The following WDFY4 variants were observed in gnomAD, a reference collection of about 807,000 sequenced individuals.
WDFY4 encodes the protein WDFY family member 4.
In WDFY4, 169 loss-of-function variants were observed where a neutral mutation model predicts 351.9. The observed-to-expected ratio is 0.48, with a 90% CI of 0.42 to 0.55. The LOEUF is 0.55. Among genes scored for constraint, WDFY4 ranks in the 20% least tolerant of loss-of-function variants. The probability of loss-of-function intolerance (pLI) is 0.00; values close to 1 mark genes in which losing one functional copy is unlikely to be tolerated. For synonymous variants in WDFY4, 1,622 were observed against 1,574.6 expected (o/e 1.03, Z -0.71); for missense variants, 3,803 against 3,935.6 (o/e 0.97, Z 0.90).
At chr10:48,768,679 C>T (rs184134776) in intron 13 of WDFY4, among the ~76,000 whole-genome samples, 6 of 150,638 alleles carry the variant, frequency 4.0e-5, no homozygotes, top group South Asian at 4.2e-4. Flanking sequence ...TGAAGAGTCA[C>T]GGGTCGAGCA....
chr10:48,716,930 A>G (rs2063928498), intron 2 of WDFY4, among the ~76,000 whole-genome samples: 3 of 152,210 alleles, frequency 2.0e-5, no homozygotes, highest in African/African-American at 7.2e-5. Context: ...CCAGGGATTA[A>G]CATGTCTGAG....
chr10:48,729,363 G>A (rs977742540), intron 7 of WDFY4, 69 bp from the exon 8 acceptor site: 6 of 1,526,124 alleles, frequency 3.9e-6, no homozygotes, highest in South Asian at 2.5e-5. Context: ...GTCTCCTTGA[G>A]AGCACCATGC....
chr10:48,931,426 A>G (rs930853520), intron 47 of WDFY4, among the ~76,000 whole-genome samples: 3 of 152,202 alleles, frequency 2.0e-5, no homozygotes, highest in Admixed American at 6.5e-5. Context: ...GAGGTACTCT[A>G]TCAGAGCCAG....
At chr10:48,955,840 G>A (rs920111955) in intron 51 of WDFY4, among the ~76,000 whole-genome samples, 8 of 152,190 alleles carry the variant, frequency 5.3e-5, no homozygotes, top group Admixed American at 2.6e-4. Context: ...GAAGGGAGTG[G>A]CGGGCACAGA....
intron 1 of WDFY4, among the ~76,000 whole-genome samples, chr10:48,704,115 T>A (rs976873609): frequency 6.6e-6 from 1 of 151,750 alleles, no homozygotes; most frequent in Non-Finnish European, 1.5e-5. Context: ...GCCCTTCAGC[T>A]TCTCACTATG....
At chr10:48,732,816 C>T (rs1676078458) in intron 9 of WDFY4, among the ~76,000 whole-genome samples, 1 of 152,206 alleles carries the variant, frequency 6.6e-6, no homozygotes, top group Non-Finnish European at 1.5e-5. Context: ...GAGACAGACA[C>T]CCAGGGAGGA....
chr10:48,822,836 T>G (rs888135476), intron 35 of WDFY4, among the ~76,000 whole-genome samples: 4 of 152,238 alleles, frequency 2.6e-5, no homozygotes, highest in African/African-American at 9.6e-5. Flanking sequence ...GTTTTTATTG[T>G]GATTGTTGGT....
intron 44 of WDFY4, 130 bp from the exon 45 acceptor site, chr10:48,897,324 C>A (rs1837131823): frequency 7.6e-6 from 10 of 1,315,118 alleles, no homozygotes; most frequent in Non-Finnish European, 9.3e-6. Context: ...TTGGCAGTGA[C>A]CACCGCACTT....
intron 2 of WDFY4, among the ~76,000 whole-genome samples, chr10:48,711,987 G>A (rs2063779386): frequency 6.6e-6 from 1 of 152,194 alleles, no homozygotes; most frequent in Non-Finnish European, 1.5e-5. Flanking sequence ...TGAATGTTAT[G>A]TCACCGTACA....
intron 12 of WDFY4, among the ~76,000 whole-genome samples, chr10:48,754,890 A>G (rs1476006953): frequency 6.6e-6 from 1 of 152,158 alleles, no homozygotes; most frequent in Non-Finnish European, 1.5e-5. Context: ...GGTGTTGGAA[A>G]ACTGGGTGTT....
At position 48,719,910 on chromosome 10, in the gene WDFY4, C is replaced by T. The variant is rs190245829; in HGVS notation, c.235-101C>T. The T allele has an allele frequency of 3.9e-5, 41 of 1,061,258 alleles. 1 individual carries two copies. Among genetic ancestry groups the T allele is most frequent in the East Asian group, 2.6e-4 (10 of 38,048 alleles). The allele number at this position is 1,061,258 out of a possible 1,614,324, so 65.7% of individuals were successfully genotyped here. A position where few individuals can be genotyped will look rare whatever the true frequency, so the allele number is the denominator to read the frequency against. On this transcript the variant is annotated intron_variant, in intron 2 of 61. Coordinates refer to ENST00000325239, the MANE Select transcript of WDFY4 (RefSeq NM_001394531.1). ...TTTGCATGCACCTGGGAAAGGAAGTCGAGCTGTCAGCTTGGGCTGGTGAAG... is the reference window on the plus strand; with the variant it reads ...TTTGCATGCACCTGGGAAAGGAAGTTGAGCTGTCAGCTTGGGCTGGTGAAG...
intron 55 of WDFY4, chr10:48,968,627 C>T (rs1842193512): frequency 5.5e-6 from 1 of 182,444 alleles, no homozygotes; most frequent in Non-Finnish European, 1.2e-5. Context: ...AGGCTCTGTG[C>T]CAGGGGACAC....
intron 39 of WDFY4, among the ~76,000 whole-genome samples, chr10:48,847,577 A>C (rs1048787454): frequency 6.6e-6 from 1 of 152,052 alleles, no homozygotes; most frequent in Non-Finnish European, 1.5e-5. Flanking sequence ...ATTACCTGTG[A>C]GAATGAGGCC....
At chr10:48,818,071 G>A (rs953797736) in intron 32 of WDFY4, among the ~76,000 whole-genome samples, 5 of 152,210 alleles carry the variant, frequency 3.3e-5, no homozygotes, top group African/African-American at 1.2e-4. Flanking sequence ...CCTGGGAGCT[G>A]GGAAGCGAGA....
intron 24 of WDFY4, among the ~76,000 whole-genome samples, chr10:48,800,741 T>TTTG (rs1234681165): frequency 1.4e-5 from 2 of 147,766 alleles, no homozygotes; most frequent in Non-Finnish European, 3.0e-5. Flanking sequence ...TTTTTTTTTT[T>TTTG]TTTTGTTTTG....
At chr10:48,790,973 G>A in intron 23 of WDFY4, 56 bp downstream of exon 23, 1 of 1,533,056 alleles carries the variant, frequency 6.5e-7, no homozygotes, top group Non-Finnish European at 8.8e-7. Context: ...TCATCCCTGG[G>A]AAACAGGGAC....
chr10:48,959,653 A>G, intron 52 of WDFY4, 69 bp from the exon 53 acceptor site: 1 of 1,417,438 alleles, frequency 7.1e-7, no homozygotes, highest in Non-Finnish European at 9.7e-7. Context: ...GGCAATGTGT[A>G]TTTTACATCC....
chr10:48,719,766 C>T (rs899113678), intron 2 of WDFY4, among the ~76,000 whole-genome samples: 1 of 152,102 alleles, frequency 6.6e-6, no homozygotes, highest in Non-Finnish European at 1.5e-5. Context: ...GGACTGGGCT[C>T]TGTGTGTTTG....
Position 48,963,990 on chromosome 10 carries a change from C to T in WDFY4, c.8372C>T (p.Thr2791Ile). 6.4e-7 allele frequency: 1 copy of T among 1,550,614 alleles called. No individual in the cohort carries two copies. Among genetic ancestry groups the T allele is most frequent in the Non-Finnish European group, 8.7e-7 (1 of 1,146,996 alleles). Residue 2791 changes from threonine (T) to isoleucine (I), a missense_variant, in exon 54 of 62, where the codon ACT (threonine) becomes ATT (isoleucine). This residue lies in a region of WDFY4 where 3,054 missense variants were observed against 3,148.6 expected (regional missense o/e 0.97). Coordinates refer to ENST00000325239, the MANE Select transcript of WDFY4 (RefSeq NM_001394531.1). Reference sequence around the variant, plus strand: ...GACAGAATGGACCTCAGCAGCATCACTGACCCCCTCATCAAAAGCACCATC... The same window carrying T: ...GACAGAATGGACCTCAGCAGCATCATTGACCCCCTCATCAAAAGCACCATC... ...YGDRMDLSSI[T>I]DPLIKSTILG...
Sources: gnomAD v4.1 joint callset for allele counts (sites outside exome capture counted in the v4.1 genomes callset) on GRCh38, gnomAD v4.1.1 for gene constraint, gnomAD v4.1.1 regional missense constraint, MANE v1.5 for transcripts, NCBI Gene and HGNC (gene_info 2026-07-23, HGNC 2026-07-21) for gene names.